STXBP5: variants seen among roughly 807,000 people sequenced by gnomAD.
STXBP5 encodes syntaxin-binding protein 5.
STXBP5 carries 50 observed loss-of-function variants against 152.4 expected under a neutral mutation model. That is an observed-to-expected ratio of 0.33 (90% CI 0.26 to 0.42). The LOEUF (loss-of-function observed/expected upper bound fraction) is 0.42, where lower values mean the gene tolerates loss of function less well. Ranked by LOEUF, STXBP5 falls within the 10% of genes least tolerant of loss-of-function variation. The pLI is 1.00. For missense variants in STXBP5, 1,167 were observed against 1,388.6 expected (o/e 0.84, Z 2.54); for synonymous variants, 492 against 494.7 (o/e 0.99, Z 0.07).
In STXBP5 at chr6:147,235,214, C is replaced by T. The variant is rs377267563; in HGVS notation, c.249-36C>T. On this transcript the variant is annotated intron_variant, in intron 2 of 27. Coordinates refer to ENST00000321680, the MANE Select transcript of STXBP5 (RefSeq NM_001127715.4). ...AACTTACCAGTTTCTCAAAACCGAA[C>T]AAATACCATAAACTCCTTAATGGAA... 32 of 1,593,538 alleles carry T rather than the reference C, an allele frequency of 2.0e-5. 1 individual carries two copies. The Middle Eastern group carries it at 5.0e-4, about 25-fold the overall frequency.
chr6:147,370,930 A>G (rs2128417722), intron 25 of STXBP5, among the ~76,000 whole-genome samples: 1 of 152,194 alleles, frequency 6.6e-6, no homozygotes, highest in Admixed American at 6.5e-5. Context: ...TTGTAGTGGC[A>G]TCTAATGTAT....
At chr6:147,383,044 C>G (rs1786170093) in intron 27 of STXBP5, 46 bp downstream of exon 27, 3 of 1,588,162 alleles carry the variant, frequency 1.9e-6, no homozygotes, top group Non-Finnish European at 2.6e-6. Context: ...CTAGGTAAAG[C>G]AAGTGTGAAT....
chr6:147,362,159 A>T (rs140058051), intron 23 of STXBP5, among the ~76,000 whole-genome samples: 10,462 of 152,238 alleles, frequency 0.069, 486 homozygotes, highest in African/African-American at 0.12. Flanking sequence ...TGTGCTCAAT[A>T]GAAGGCTGCA....
intron 4 of STXBP5, among the ~76,000 whole-genome samples, chr6:147,241,162 A>C (rs2115215225): frequency 6.6e-6 from 1 of 152,308 alleles, no homozygotes; most frequent in East Asian, 1.9e-4. Flanking sequence ...CAGATACTAC[A>C]GAGAATTTCC....
chr6:147,283,474 G>A (rs950275641), intron 8 of STXBP5, among the ~76,000 whole-genome samples: 28 of 152,232 alleles, frequency 1.8e-4, no homozygotes, highest in African/African-American at 6.3e-4. Flanking sequence ...ATTTAAAGGC[G>A]AAGGATATGA....
intron 18 of STXBP5, among the ~76,000 whole-genome samples, chr6:147,330,867 A>G (rs879730173): frequency 1.3e-5 from 2 of 152,206 alleles, no homozygotes; most frequent in Admixed American, 6.5e-5. Flanking sequence ...AAACCAGCCT[A>G]GTGCCTGATT....
rs535501010 is a variant in STXBP5, at chr6:147,236,871, C to T, written c.330+1540C>T. The stretch of plus-strand genomic sequence containing the variant: ...TTGACTCACTGCAACCTCCGCCTCC[C>T]GGGTTCAAATGATTCTTCCACTTCA... On this transcript the variant is annotated intron_variant, in intron 3 of 27. Coordinates refer to ENST00000321680, the MANE Select transcript of STXBP5 (RefSeq NM_001127715.4). Among the ~76,000 whole-genome samples the T allele has an allele frequency of 1.4e-4, 21 of 151,830 alleles. No homozygotes were observed. In the East Asian group the frequency reaches 3.9e-3, roughly 28 times the overall value.
In STXBP5 at chr6:147,207,938, C is replaced by T. The variant is rs151124578; in HGVS notation, c.248+1870C>T. On this transcript the variant is annotated intron_variant, in intron 2 of 27. Coordinates refer to ENST00000321680, the MANE Select transcript of STXBP5 (RefSeq NM_001127715.4). ...TATAAAACCAGATTCTTAGACAACA[C>T]TTTTACCCTAATGCATTTGTGTAAT... Among the ~76,000 whole-genome samples, 8 of 152,262 alleles carry T rather than the reference C, an allele frequency of 5.3e-5. No individual in the cohort carries two copies. The East Asian group carries it at 1.3e-3, about 26-fold the overall frequency.
chr6:147,254,037 A>G (rs145624544), intron 4 of STXBP5, among the ~76,000 whole-genome samples: 3,743 of 152,286 alleles, frequency 0.025, 112 homozygotes, highest in African/African-American at 0.082. Flanking sequence ...CCTGACTTCA[A>G]ACTATTCTAC....
chr6:147,382,681 C>T, intron 26 of STXBP5, 97 bp from the exon 27 acceptor site: 2 of 1,225,502 alleles, frequency 1.6e-6, no homozygotes, highest in South Asian at 1.4e-5. Context: ...AGTTGTATTA[C>T]CACTCAATCC....
chr6:147,221,023 A>T (rs1317547128), intron 2 of STXBP5, among the ~76,000 whole-genome samples: 1 of 151,770 alleles, frequency 6.6e-6, no homozygotes, highest in Non-Finnish European at 1.5e-5. Flanking sequence ...CTCCTTTCTT[A>T]GCATATCAGT....
chr6:147,359,663 A>G (rs191880940), intron 23 of STXBP5, among the ~76,000 whole-genome samples: 196 of 127,676 alleles, frequency 1.5e-3, no homozygotes, highest in African/African-American at 5.7e-3. Context: ...TCCCGTGTCC[A>G]TGTGTTCTCA....
chr6:147,247,193 A>G (rs1778851253), intron 4 of STXBP5, among the ~76,000 whole-genome samples: 1 of 152,238 alleles, frequency 6.6e-6, no homozygotes, highest in Non-Finnish European at 1.5e-5. Context: ...AAAATTAATC[A>G]CAGTATTGAA....
At chr6:147,322,772 C>G (rs1783002465) in intron 16 of STXBP5, among the ~76,000 whole-genome samples, 1 of 152,178 alleles carries the variant, frequency 6.6e-6, no homozygotes, top group Non-Finnish European at 1.5e-5. Flanking sequence ...CAGTCACACA[C>G]TAAAATTGTT....
chr6:147,258,463 T>C (rs1328712867), intron 4 of STXBP5, among the ~76,000 whole-genome samples: 1 of 152,230 alleles, frequency 6.6e-6, no homozygotes, highest in East Asian at 1.9e-4. Context: ...AGACGGATTC[T>C]TGCTCTGTTA....
intron 16 of STXBP5, among the ~76,000 whole-genome samples, chr6:147,317,357 CAG>C (rs895429944): frequency 2.2e-4 from 33 of 151,928 alleles, no homozygotes; most frequent in African/African-American, 6.3e-4. Context: ...TTTAAAAATA[CAG>C]AGTTTTAGAA....
chr6:147,333,519 G>A (rs976378610), intron 18 of STXBP5, among the ~76,000 whole-genome samples: 15 of 152,068 alleles, frequency 9.9e-5, no homozygotes, highest in African/African-American at 3.4e-4. Flanking sequence ...GGGAAACTCC[G>A]TCATAAAAAA....
intron 9 of STXBP5, among the ~76,000 whole-genome samples, chr6:147,294,314 C>T (rs572514668): frequency 6.6e-6 from 1 of 151,900 alleles, no homozygotes; most frequent in African/African-American, 2.4e-5. Flanking sequence ...TTAGGCAAAC[C>T]AAATAAGCCT....
rs1158965267 is a variant in STXBP5 at position 147,387,940 on chromosome 6, G to A, written c.*3185G>A. On this transcript the variant is annotated 3_prime_UTR_variant, in exon 28 of 28. Transcript: ENST00000321680. ...CAGCTGAGGAAAGGAAGAATATGTG[G>A]AAGACACCACGGAGTTCAAAGTTTT... The A allele has an allele frequency of 3.3e-5, 5 of 151,682 alleles. No individual in the cohort carries two copies. Among genetic ancestry groups the A allele is most frequent in the Non-Finnish European group, 5.9e-5 (4 of 67,712 alleles). The allele number at this position is 151,682 out of a possible 1,614,324, so 9.4% of individuals were successfully genotyped here.
Sources: allele counts gnomAD v4.1 joint callset (sites outside exome capture counted in the v4.1 genomes callset), GRCh38; gene constraint gnomAD v4.1.1; transcripts MANE v1.5; gene names NCBI Gene and HGNC (gene_info 2026-07-23, HGNC 2026-07-21).